DLG2: variants seen among roughly 807,000 people sequenced by gnomAD.
The protein encoded by DLG2 is disks large homolog 2.
A neutral mutation model predicts 132.5 loss-of-function variants in DLG2; 45 were observed. The observed-to-expected ratio is 0.34, with a 90% CI of 0.27 to 0.44. The LOEUF is 0.44. Ranked by LOEUF, DLG2 falls within the 20% of genes least tolerant of loss-of-function variation. DLG2 has a pLI of 1.00. For synonymous variants in DLG2, 424 were observed against 419.6 expected (o/e 1.01, Z -0.13); for missense variants, 1,045 against 1,196.9 (o/e 0.87, Z 1.87).
intron 21 of DLG2, among the ~76,000 whole-genome samples, chr11:83,528,808 AT>A (rs2095669171): frequency 6.6e-6 from 1 of 152,074 alleles, no homozygotes; most frequent in Non-Finnish European, 1.5e-5. Context: ...CTGTATTATC[AT>A]TGTTTGCCTG....
intron 11 of DLG2, among the ~76,000 whole-genome samples, chr11:83,981,238 G>A (rs2055129644): frequency 6.6e-6 from 1 of 152,078 alleles, no homozygotes; most frequent in Non-Finnish European, 1.5e-5. Context: ...CTAGATGCTT[G>A]CCTTTCATGT....
chr11:84,827,055 C>T (rs867635966), intron 6 of DLG2, among the ~76,000 whole-genome samples: 27 of 151,758 alleles, frequency 1.8e-4, no homozygotes, highest in Admixed American at 3.9e-4. Flanking sequence ...TGGTGTGGTA[C>T]GGCCTCTAAA....
chr11:84,440,049 G>A (rs1380824838), intron 7 of DLG2, among the ~76,000 whole-genome samples: 1 of 152,152 alleles, frequency 6.6e-6, no homozygotes, highest in African/African-American at 2.4e-5. Flanking sequence ...GGCTTGGAGA[G>A]ATCTTTGATG....
intron 6 of DLG2, among the ~76,000 whole-genome samples, chr11:85,002,974 A>G (rs1043885672): frequency 2.0e-5 from 3 of 152,058 alleles, no homozygotes; most frequent in African/African-American, 7.2e-5. Context: ...GGTATATGAT[A>G]TGTATAACTT....
At chr11:85,406,836 T>C (rs2088796099) in intron 3 of DLG2, among the ~76,000 whole-genome samples, 1 of 151,694 alleles carries the variant, frequency 6.6e-6, no homozygotes, top group Non-Finnish European at 1.5e-5. Context: ...TAAAAGATGG[T>C]GCTAAGAACT....
At chr11:84,607,381 C>G (rs1207018288) in intron 6 of DLG2, among the ~76,000 whole-genome samples, 1 of 152,120 alleles carries the variant, frequency 6.6e-6, no homozygotes. Context: ...ATAAAACCTT[C>G]CACTTCTTGA....
At chr11:84,987,419 T>A (rs1002176728) in intron 6 of DLG2, among the ~76,000 whole-genome samples, 13 of 151,510 alleles carry the variant, frequency 8.6e-5, no homozygotes, top group East Asian at 7.7e-4. Context: ...GAAAAAAAAA[T>A]TTAAAATTAA....
At chr11:84,305,637 C>G (rs192345211) in intron 7 of DLG2, among the ~76,000 whole-genome samples, 1 of 152,152 alleles carries the variant, frequency 6.6e-6, no homozygotes, top group South Asian at 2.1e-4. Flanking sequence ...ACCTACCTAC[C>G]TATTCCTGTT....
At chr11:85,271,518 G>A (rs1036077910) in intron 4 of DLG2, among the ~76,000 whole-genome samples, 3 of 152,196 alleles carry the variant, frequency 2.0e-5, no homozygotes, top group African/African-American at 7.2e-5. Flanking sequence ...TCCACCCACA[G>A]CTTGCACCGT....
At chr11:83,761,255 C>A (rs2093894382) in intron 18 of DLG2, among the ~76,000 whole-genome samples, 1 of 152,198 alleles carries the variant, frequency 6.6e-6, no homozygotes, top group South Asian at 2.1e-4. Context: ...TACAAGGACA[C>A]CCCGTCTAGG....
At chr11:83,874,383 G>T in intron 16 of DLG2, 37 bp downstream of exon 16, 2 of 1,454,892 alleles carry the variant, frequency 1.4e-6, no homozygotes, top group Non-Finnish European at 1.9e-6. Flanking sequence ...ATATTCCAAG[G>T]CTGCACAGTT....
At chr11:85,402,840 C>A (rs1458722514) in intron 3 of DLG2, among the ~76,000 whole-genome samples, 1 of 152,050 alleles carries the variant, frequency 6.6e-6, no homozygotes, top group Non-Finnish European at 1.5e-5. Context: ...AGTCAGTAAA[C>A]AAGAGATGCT....
At chr11:85,386,302 G>A (rs1302661576) in intron 3 of DLG2, among the ~76,000 whole-genome samples, 1 of 152,040 alleles carries the variant, frequency 6.6e-6, no homozygotes, top group Non-Finnish European at 1.5e-5. Context: ...TATTATTATT[G>A]ATTCACTTTA....
intron 5 of DLG2, among the ~76,000 whole-genome samples, chr11:85,141,488 A>G (rs541579227): frequency 6.6e-6 from 1 of 151,592 alleles, no homozygotes; most frequent in East Asian, 1.9e-4. Flanking sequence ...ACATGAAAAT[A>G]TTTCCTCCCA....
At chr11:84,618,621 G>T (rs1264109633) in intron 6 of DLG2, among the ~76,000 whole-genome samples, 2 of 152,010 alleles carry the variant, frequency 1.3e-5, no homozygotes, top group Non-Finnish European at 2.9e-5. Context: ...TCTCAAAAGG[G>T]ACCAAAGTGG....
At chr11:84,011,129 TA>T (rs2094866796) in intron 11 of DLG2, among the ~76,000 whole-genome samples, 1 of 152,092 alleles carries the variant, frequency 6.6e-6, no homozygotes, top group African/African-American at 2.4e-5. Flanking sequence ...TTGATTTTGG[TA>T]ATATTACTTT....
chr11:84,819,038 C>T (rs2077376289), intron 6 of DLG2, among the ~76,000 whole-genome samples: 2 of 151,030 alleles, frequency 1.3e-5, no homozygotes, highest in South Asian at 4.2e-4. Flanking sequence ...GGCCTTTTTA[C>T]ACATACATAC....
intron 8 of DLG2, among the ~76,000 whole-genome samples, chr11:84,164,869 C>G (rs1176428714): frequency 6.6e-6 from 1 of 152,180 alleles, no homozygotes; most frequent in African/African-American, 2.4e-5. Flanking sequence ...CATTATCAAA[C>G]AGCCCTAAAC....
chr11:84,191,563 G>T (rs1365174059), intron 8 of DLG2, among the ~76,000 whole-genome samples: 1 of 152,170 alleles, frequency 6.6e-6, no homozygotes, highest in Non-Finnish European at 1.5e-5. Context: ...GTGGGAACTA[G>T]AAAAGCCTGG....
Sources: gnomAD v4.1 joint callset for allele counts (sites outside exome capture counted in the v4.1 genomes callset) on GRCh38, gnomAD v4.1.1 for gene constraint, MANE v1.5 for transcripts, NCBI Gene and HGNC (gene_info 2026-07-23, HGNC 2026-07-21) for gene names.